TBCD: variants seen among roughly 807,000 people sequenced by gnomAD.
TBCD encodes tubulin folding cofactor D, also known as tubulin-specific chaperone D.
In TBCD, 105 loss-of-function variants were observed where a neutral mutation model predicts 169.3. The observed-to-expected ratio is 0.62, with a 90% CI of 0.53 to 0.73. TBCD has a LOEUF of 0.73. Ranked by LOEUF, TBCD falls within the 30% of genes least tolerant of loss-of-function variation. The pLI is 0.00. For synonymous variants in TBCD, 700 were observed against 643.9 expected, an observed-to-expected ratio of 1.09 and a Z score of -1.32; for missense variants, 1,444 against 1,600.1, an observed-to-expected ratio of 0.90 and a Z score of 1.66.
intron 38 of TBCD, 122 bp downstream of exon 38, chr17:82,941,605 T>C (rs1457493096): frequency 2.4e-6 from 2 of 843,342 alleles, no homozygotes; most frequent in Non-Finnish European, 3.7e-6. Context: ...CCTCGTCTCA[T>C]GTCAGGACCC....
At position 82,782,111 on chromosome 17, in the gene TBCD, C is replaced by G. The variant is rs936229706; in HGVS notation, c.771+390C>G. ...TGATTCTGTTCCTTTGCACTGGGCT[C>G]GGGTTGGATGTTCCTGACTGCTTCG... On this transcript the variant is annotated intron_variant, in intron 7 of 38. Coordinates refer to ENST00000355528, the MANE Select transcript of TBCD (RefSeq NM_005993.5). This position sits in a 1 kb window ranked among gnomAD's most constrained non-coding sequence, Gnocchi z 5.1. Among the ~76,000 whole-genome samples, 1 of 152,226 alleles carries G rather than the reference C, an allele frequency of 6.6e-6. No individual in the cohort carries two copies. Among genetic ancestry groups the G allele is most frequent in the South Asian group, 2.1e-4 (1 of 4,834 alleles).
At chr17:82,798,572 C>T (rs920299920) in intron 8 of TBCD, among the ~76,000 whole-genome samples, 6 of 151,714 alleles carry the variant, frequency 4.0e-5, no homozygotes, top group Non-Finnish European at 7.4e-5. Context: ...AATAACTGGA[C>T]TTTTTGTCAC....
At chr17:82,887,826 C>T (rs1159926608) in intron 15 of TBCD, among the ~76,000 whole-genome samples, 3 of 152,152 alleles carry the variant, frequency 2.0e-5, no homozygotes, top group African/African-American at 4.8e-5. Context: ...TCTTTACCTG[C>T]GTTTCTGTCA....
rs559485844 is a variant in TBCD at position 82,852,287 on chromosome 17, C to T, written c.1319-17937C>T. ...CCCCGAGCGTGGCGTTGGCGTGGTC[C>T]GTGGGCGATGCAGCCCCCAGCAGTG... is the stretch of plus-strand genomic sequence containing the variant. On this transcript the variant is annotated intron_variant, in intron 13 of 38. Coordinates refer to ENST00000355528, the MANE Select transcript of TBCD (RefSeq NM_005993.5). Among the ~76,000 whole-genome samples the T allele has an allele frequency of 2.5e-3, 383 of 152,188 alleles. 2 individuals carry two copies. Among genetic ancestry groups the T allele is most frequent in the African/African-American group, 9.1e-3 (379 of 41,528 alleles).
chr17:82,927,865 C>T lies in TBCD; in HGVS notation c.2610-40C>T, dbSNP rs775287675. The T allele has an allele frequency of 1.1e-5, 18 of 1,586,418 alleles. No individual in the cohort carries two copies. The South Asian group carries it at 1.8e-4, about 16-fold the overall frequency. Reference sequence around the variant, plus strand: ...GGGCAGAACCAGGGTTGGAACCCCCCTCTCAAGCTGGGTGTCTCTGCCTCT... The same window carrying T: ...GGGCAGAACCAGGGTTGGAACCCCCTTCTCAAGCTGGGTGTCTCTGCCTCT... On this transcript the variant is annotated intron_variant, in intron 29 of 38. Transcript: ENST00000355528.
chr17:82,870,458 G>T, intron 14 of TBCD, 78 bp downstream of exon 14: 1 of 1,512,450 alleles, frequency 6.6e-7, no homozygotes. Context: ...CATGAGAGGT[G>T]TGCACAGCAG....
chr17:82,838,843 A>C, intron 13 of TBCD: 1 of 985,440 alleles, frequency 1.0e-6, no homozygotes, highest in Non-Finnish European at 1.2e-6. Context: ...GCTCGTAAAC[A>C]AACGCTCACC....
intron 13 of TBCD, among the ~76,000 whole-genome samples, chr17:82,854,294 C>T (rs2056066830): frequency 6.6e-6 from 1 of 152,152 alleles, no homozygotes; most frequent in Non-Finnish European, 1.5e-5. Context: ...ATTCAGCACC[C>T]CAAGGGGAAA....
intron 17 of TBCD, among the ~76,000 whole-genome samples, chr17:82,897,074 G>T (rs1460372214): frequency 6.6e-6 from 1 of 152,142 alleles, no homozygotes; most frequent in Non-Finnish European, 1.5e-5. Context: ...TATTAGGTTA[G>T]TCGTTTTCTT....
At chr17:82,826,353 A>G (rs548138495) in intron 13 of TBCD, among the ~76,000 whole-genome samples, 2 of 152,288 alleles carry the variant, frequency 1.3e-5, no homozygotes, top group South Asian at 2.1e-4. Flanking sequence ...ATAGCATATT[A>G]TTGAAATTTA....
intron 12 of TBCD, among the ~76,000 whole-genome samples, chr17:82,811,559 C>T (rs1346954458): frequency 3.3e-5 from 5 of 152,194 alleles, no homozygotes; most frequent in Middle Eastern, 3.2e-3. Context: ...GCCATCATCC[C>T]GAGTCCTCGC....
intron 28 of TBCD, chr17:82,926,959 G>C (rs965245870): frequency 1.3e-5 from 8 of 610,560 alleles, no homozygotes; most frequent in Admixed American, 3.1e-5. Flanking sequence ...GCCGCAGGGG[G>C]CGTCCCCATC....
chr17:82,911,035 G>A (rs1033585211), intron 22 of TBCD, among the ~76,000 whole-genome samples: 7 of 152,302 alleles, frequency 4.6e-5, no homozygotes, highest in African/African-American at 7.2e-5. Flanking sequence ...TCAGCAGGGC[G>A]GGTGGCCCTG....
rs774998453 is a variant in TBCD, at chr17:82,772,480, G to A, written c.611G>A (p.Arg204Gln). The change falls in exon 6 of 39, where the codon CGA (arginine) becomes CAA (glutamine). Residue 204 changes from arginine to glutamine, a missense_variant. Transcript: ENST00000355528. ...TACTTGATTGTCAGTGACAAGGCCC[G>A]AGATGCAGCTGCTGTCCTTGTGTCC... ...ESYLIVSDKA[R>Q]DAAAVLVSRF... The A allele has an allele frequency of 5.6e-6, 9 of 1,613,830 alleles. No individual in the cohort carries two copies. Among genetic ancestry groups the A allele is most frequent in the Non-Finnish European group, 7.6e-6 (9 of 1,179,888 alleles).
intron 12 of TBCD, among the ~76,000 whole-genome samples, 198 bp downstream of exon 12, chr17:82,809,980 A>G (rs886089308): frequency 1.3e-5 from 2 of 152,210 alleles, no homozygotes; most frequent in African/African-American, 4.8e-5. Flanking sequence ...CATTCTATTT[A>G]AAAACCTTAA....
intron 13 of TBCD, among the ~76,000 whole-genome samples, chr17:82,856,727 CGCTGG>C (rs2056313984): frequency 4.7e-5 from 7 of 148,946 alleles, no homozygotes; most frequent in African/African-American, 1.8e-4. Flanking sequence ...AGGGCGGGAT[CGCTGG>C]ACCGCGTGCG....
chr17:82,825,537 T>C (rs1325031531), intron 13 of TBCD, among the ~76,000 whole-genome samples: 1 of 152,198 alleles, frequency 6.6e-6, no homozygotes, highest in South Asian at 2.1e-4. Flanking sequence ...TAGGCTGGTG[T>C]AGTGGTTGTC....
chr17:82,888,041 C>T (rs1175560419), intron 15 of TBCD, among the ~76,000 whole-genome samples: 3 of 152,236 alleles, frequency 2.0e-5, no homozygotes, highest in Non-Finnish European at 4.4e-5. Flanking sequence ...CTCATCTTTC[C>T]GTCCTCTTCA....
intron 7 of TBCD, among the ~76,000 whole-genome samples, chr17:82,788,027 A>G (rs2049434723): frequency 6.6e-6 from 1 of 152,188 alleles, no homozygotes; most frequent in Non-Finnish European, 1.5e-5. Flanking sequence ...ACTTGAGGCC[A>G]GGAGTTTGAT....
Sources: gnomAD v4.1 joint callset for allele counts (sites outside exome capture counted in the v4.1 genomes callset) on GRCh38, gnomAD v4.1.1 for gene constraint, Gnocchi (gnomAD v3.1) non-coding constraint, MANE v1.5 for transcripts, NCBI Gene and HGNC (gene_info 2026-07-23, HGNC 2026-07-21) for gene names.